Variants in ANGPT2 observed in about 807,000 individuals in gnomAD.
ANGPT2 encodes angiopoietin 2, also known as angiopoietin-2.
In ANGPT2, 28 loss-of-function variants were observed where a neutral mutation model predicts 62.9. The ratio of observed to expected loss-of-function variants is 0.44; its 90% CI spans 0.33 to 0.61. ANGPT2 has a LOEUF of 0.61. Among genes scored for constraint, ANGPT2 ranks in the 20% least tolerant of loss-of-function variants. ANGPT2 has a pLI of 0.03. For synonymous variants in ANGPT2, 284 were observed against 207.8 expected, an observed-to-expected ratio of 1.37 and a Z score of -3.15; for missense variants, 727 against 594.9, an observed-to-expected ratio of 1.22 and a Z score of -2.31.
intron 3 of ANGPT2, among the ~76,000 whole-genome samples, chr8:6,522,554 A>C (rs1484734547): frequency 2.0e-5 from 3 of 152,006 alleles, no homozygotes; most frequent in African/African-American, 7.3e-5. Flanking sequence ...CAGGTGTATC[A>C]CTAGAGTCCA....
intron 1 of ANGPT2, among the ~76,000 whole-genome samples, chr8:6,551,294 A>G (rs183405311): frequency 1.3e-5 from 2 of 152,234 alleles, no homozygotes; most frequent in East Asian, 3.9e-4. Context: ...TTAGGGGTGA[A>G]GAAGGGGAAA....
intron 6 of ANGPT2, among the ~76,000 whole-genome samples, 163 bp from the exon 7 acceptor site, chr8:6,514,007 A>C (rs1444916282): frequency 2.0e-5 from 3 of 152,202 alleles, no homozygotes; most frequent in Non-Finnish European, 4.4e-5. Flanking sequence ...TGGATTTTAA[A>C]TAGGTCAGTT....
chr8:6,503,375 C>T, intron 8 of ANGPT2, 114 bp from the exon 9 acceptor site: 3 of 1,042,002 alleles, frequency 2.9e-6, no homozygotes, highest in African/African-American at 1.6e-5. Context: ...GGAGTAGGCA[C>T]ATGCAGATGA....
intron 1 of ANGPT2, among the ~76,000 whole-genome samples, chr8:6,539,349 G>T: frequency 6.6e-6 from 1 of 152,082 alleles, no homozygotes; most frequent in African/African-American, 2.4e-5. Flanking sequence ...TTATAGTCTT[G>T]GCCTTTTCTT....
At chr8:6,528,630 G>A (rs983488244) in intron 2 of ANGPT2, among the ~76,000 whole-genome samples, 6 of 152,250 alleles carry the variant, frequency 3.9e-5, no homozygotes, top group Non-Finnish European at 5.9e-5. Flanking sequence ...TGAGCAGTGC[G>A]GCTCTCCCGC....
chr8:6,540,658 A>C (rs1250841988), intron 1 of ANGPT2, among the ~76,000 whole-genome samples: 1 of 152,264 alleles, frequency 6.6e-6, no homozygotes, highest in Non-Finnish European at 1.5e-5. Flanking sequence ...CAATGACAAA[A>C]TGCTTCTCAG....
intron 1 of ANGPT2, among the ~76,000 whole-genome samples, chr8:6,552,081 CA>C (rs1182115826): frequency 6.6e-6 from 1 of 152,154 alleles, no homozygotes; most frequent in Non-Finnish European, 1.5e-5. Context: ...CAAAGAAAAT[CA>C]GAGGAAATGG....
intron 1 of ANGPT2, among the ~76,000 whole-genome samples, chr8:6,543,472 C>T (rs1408755356): frequency 1.3e-5 from 2 of 152,158 alleles, no homozygotes; most frequent in South Asian, 2.1e-4. Context: ...GTGAGCAAAA[C>T]GCACTGACGG....
chr8:6,562,186 C>CCGTTT (rs1410937069), intron 1 of ANGPT2, among the ~76,000 whole-genome samples: 3 of 152,306 alleles, frequency 2.0e-5, no homozygotes, highest in Non-Finnish European at 1.5e-5. Flanking sequence ...TTTACTCCAT[C>CCGTTT]CGTTATGCCT....
At chr8:6,524,087 T>C (rs1367535271) in intron 3 of ANGPT2, among the ~76,000 whole-genome samples, 1 of 152,180 alleles carries the variant, frequency 6.6e-6, no homozygotes, top group Admixed American at 6.5e-5. Context: ...AGAAAAACAG[T>C]GACCAGATGT....
intron 1 of ANGPT2, among the ~76,000 whole-genome samples, chr8:6,551,112 G>T (rs1028438839): frequency 1.3e-5 from 2 of 152,138 alleles, no homozygotes; most frequent in South Asian, 2.1e-4. Context: ...ACGGCTCCTG[G>T]GCCCCTGACT....
chr8:6,533,615 A>T (rs1019960172), intron 1 of ANGPT2, among the ~76,000 whole-genome samples: 1 of 135,704 alleles, frequency 7.4e-6, no homozygotes, highest in Non-Finnish European at 1.5e-5. Context: ...GATGGGAACC[A>T]TTCTTCCATT....
chr8:6,516,816 C>G (rs985184860), intron 5 of ANGPT2, among the ~76,000 whole-genome samples: 2 of 152,146 alleles, frequency 1.3e-5, no homozygotes, highest in African/African-American at 2.4e-5. Context: ...GTTACCAGTA[C>G]TTAAATACAT....
chr8:6,547,661 G>A (rs1172075992), intron 1 of ANGPT2, among the ~76,000 whole-genome samples: 1 of 151,924 alleles, frequency 6.6e-6, no homozygotes, highest in Non-Finnish European at 1.5e-5. Context: ...TTTGAGTGAC[G>A]GTGTGTGACA....
In ANGPT2 at chr8:6,559,680, A is replaced by C. The variant is rs117285986; in HGVS notation, c.288+2967T>G. Among the ~76,000 whole-genome samples the C allele has an allele frequency of 3.7e-4, 56 of 152,326 alleles. No homozygotes were observed. In the East Asian group the frequency reaches 6.9e-3, roughly 19 times the overall value. ...TTCCATATTTCCTCTTATCAGAAAAAAAAATTCCTGTGGTCTCCTAGCAAA... is the reference window on the plus strand; with the variant it reads ...TTCCATATTTCCTCTTATCAGAAAACAAAATTCCTGTGGTCTCCTAGCAAA... On this transcript the variant is annotated intron_variant, in intron 1 of 8. Coordinates refer to ENST00000629816, the MANE Select transcript of ANGPT2 (RefSeq NM_001118887.2).
At position 6,527,882 on chromosome 8, in the gene ANGPT2, CTT is replaced by C. The variant is rs1465352391; in HGVS notation, c.445-208_445-207del. ...TCTGAGTGTGTTAAACCTTTTTACT[CTT>C]TTCCCCACGTCTCTATTTTTTTTTT... On this transcript the variant is annotated intron_variant, in intron 2 of 8. Transcript: ENST00000629816. Among the ~76,000 whole-genome samples, 13 of 146,982 alleles carry C rather than the reference CTT, an allele frequency of 8.8e-5. No homozygotes were observed. The East Asian group carries it at 2.6e-3, about 29-fold the overall frequency.
In ANGPT2 at chr8:6,513,842, T is replaced by A; in HGVS notation, c.1032A>T (p.Gly344=). Reference sequence around the variant, plus strand: ...AATATTCTCCTGAAGGGTTACCAAATCCCTGTAATGCAAGTTGTTAAATTC... The same window carrying A: ...AATATTCTCCTGAAGGGTTACCAAAACCCTGTAATGCAAGTTGTTAAATTC... ...FQRTWKEYKV[G]FGNPSGEYWL... Residue 344 remains glycine, a splice_region_variant and synonymous_variant, in exon 7 of 9, where the codon GGA becomes GGT. Transcript: ENST00000629816. 1 of 1,603,494 alleles carries A rather than the reference T, an allele frequency of 6.2e-7. No homozygotes were observed. Among genetic ancestry groups the A allele is most frequent in the African/African-American group, 1.3e-5 (1 of 74,234 alleles).
chr8:6,545,333 C>T (rs1586535769), intron 1 of ANGPT2, among the ~76,000 whole-genome samples: 1 of 152,082 alleles, frequency 6.6e-6, no homozygotes, highest in South Asian at 2.1e-4. Context: ...ATACTTTATC[C>T]ATTTCCTGTG....
intron 1 of ANGPT2, 69 bp downstream of exon 1, chr8:6,562,578 T>TTTTTTTTTTTTTTTTTAAAAAA: frequency 1.1e-6 from 1 of 880,188 alleles, no homozygotes. Context: ...TTTTGGTTGT[T>TTTTTTTTTTTTTTTTTAAAAAA]AAAACCTGAG....
Sources: gnomAD v4.1 joint callset for allele counts (sites outside exome capture counted in the v4.1 genomes callset) on GRCh38, gnomAD v4.1.1 for gene constraint, MANE v1.5 for transcripts, NCBI Gene and HGNC (gene_info 2026-07-23, HGNC 2026-07-21) for gene names.